MC1R: variants seen among roughly 807,000 people sequenced by gnomAD.
MC1R encodes the protein melanocyte-stimulating hormone receptor.
For missense variants in MC1R, 542 were observed against 430.0 expected, an observed-to-expected ratio of 1.26 and a Z score of -2.30; for synonymous variants, 263 against 203.8, an observed-to-expected ratio of 1.29 and a Z score of -2.47.
rs2045683863 is a variant in MC1R, at chr16:89,918,928, G to A, written c.-331G>A. ...AGGAGACAGAGGCCAGGACGGTCCA[G>A]AGGTGTCGAAATGTCCTGGGGACCT... is the stretch of plus-strand genomic sequence containing the variant. On this transcript the variant is annotated 5_prime_UTR_variant, in exon 1 of 1. Coordinates refer to ENST00000555147, the MANE Select transcript of MC1R (RefSeq NM_002386.4). 4.9e-6 allele frequency: 2 copies of A among 407,268 alleles called. No homozygotes were observed. The highest frequency in any genetic ancestry group is 9.0e-6 in the Non-Finnish European group (2 of 222,674). The allele number at this position is 407,268 out of a possible 1,614,324, so 25.2% of individuals were successfully genotyped here.
Position 89,919,327 on chromosome 16 carries a change from G to A in MC1R, c.69G>A (p.Gln23=). The part of the protein sequence containing the change: ...SLNSTPTAIP[Q]LGLAANQTGA... ...ACTCCACCCCCACAGCCATCCCCCA[G>A]CTGGGGCTGGCTGCCAACCAGACAG... The change falls in exon 1 of 1, where the codon CAG becomes CAA. Residue 23 remains glutamine (Q), a synonymous_variant. Coordinates refer to ENST00000555147, the MANE Select transcript of MC1R (RefSeq NM_002386.4). 6.2e-7 allele frequency: 1 copy of A among 1,612,158 alleles called. No individual in the cohort carries two copies. Among genetic ancestry groups the A allele is most frequent in the East Asian group, 2.2e-5 (1 of 44,860 alleles).
rs2045684575 is a variant in MC1R at position 89,918,982 on chromosome 16, G to A, written c.-277G>A. 2.0e-6 allele frequency: 1 copy of A among 502,328 alleles called. No individual in the cohort carries two copies. The highest frequency in any genetic ancestry group is 3.6e-6 in the Non-Finnish European group (1 of 279,840). The allele number at this position is 502,328 out of a possible 1,614,324, so 31.1% of individuals were successfully genotyped here. A position where few individuals can be genotyped will look rare whatever the true frequency, so the allele number is the denominator to read the frequency against. Reference sequence around the variant, plus strand: ...CAGCAGCCACCAGGGAAGAGGCAGGGAGGGAGCTGAGGACCAGGCTTGGTT... The same window carrying A: ...CAGCAGCCACCAGGGAAGAGGCAGGAAGGGAGCTGAGGACCAGGCTTGGTT... On this transcript the variant is annotated 5_prime_UTR_variant, in exon 1 of 1. Coordinates refer to ENST00000555147, the MANE Select transcript of MC1R (RefSeq NM_002386.4).
chr16:89,919,737 G>A lies in MC1R; in HGVS notation c.479G>A (p.Arg160Gln), dbSNP rs780813746. The stretch of plus-strand genomic sequence containing the variant: ...TACCACAGCATCGTGACCCTGCCGC[G>A]GGCGCGGCGAGCCGTTGCGGCCATC... ...LRYHSIVTLPRARRAVAAIWV... is the reference protein window; with the variant it reads ...LRYHSIVTLPQARRAVAAIWV... The change falls in exon 1 of 1, where the codon CGG (arginine) becomes CAG (glutamine). Residue 160 changes from arginine to glutamine, a missense_variant. Physicochemically the swap from Arg to Gln is conservative, Grantham distance 43 (BLOSUM62 1). Transcript: ENST00000555147. 6.9e-5 allele frequency: 111 copies of A among 1,606,480 alleles called. No individual in the cohort carries two copies. The highest frequency in any genetic ancestry group is 8.0e-5 in the Non-Finnish European group (94 of 1,179,800).
chr16:89,919,340 G>A lies in MC1R; in HGVS notation c.82G>A (p.Ala28Thr), dbSNP rs753159082. ...PTAIPQLGLAANQTGARCLEV... is the reference protein window; with the variant it reads ...PTAIPQLGLATNQTGARCLEV... ...AGCCATCCCCCAGCTGGGGCTGGCT[G>A]CCAACCAGACAGGAGCCCGGTGCCT... The change falls in exon 1 of 1, where the codon GCC becomes ACC. Residue 28 changes from alanine (A) to threonine (T), a missense_variant. Ala to Thr is a moderately conservative substitution (Grantham distance 58, BLOSUM62 0). Transcript: ENST00000555147. 2.5e-6 allele frequency: 4 copies of A among 1,612,780 alleles called. No homozygotes were observed. Among genetic ancestry groups the A allele is most frequent in the African/African-American group, 1.3e-5 (1 of 75,040 alleles).
chr16:89,920,539 G>A lies in MC1R; in HGVS notation c.*327G>A, dbSNP rs1439652079. ...TTTCCGCCCACTCCTGGGACACTCC[G>A]TCTGCTCCAATGACTGAGCAGCATC... On this transcript the variant is annotated 3_prime_UTR_variant, in exon 1 of 1. Transcript: ENST00000555147. 4.3e-5 allele frequency: 27 copies of A among 629,204 alleles called. No homozygotes were observed. Among genetic ancestry groups the A allele is most frequent in the Admixed American group, 5.6e-5 (2 of 35,670 alleles). The allele number at this position is 629,204 out of a possible 1,614,324, so 39.0% of individuals were successfully genotyped here.
In MC1R at chr16:89,919,229, A is replaced by T. The variant is rs1371372236; in HGVS notation, c.-30A>T. ...AACTGTGGGGACCTGGAGGCCTCCA[A>T]CGACTCCTTCCTGCTTCCTGGACAG... On this transcript the variant is annotated 5_prime_UTR_variant, in exon 1 of 1. Transcript: ENST00000555147. 1 of 1,469,808 alleles carries T rather than the reference A, an allele frequency of 6.8e-7. No homozygotes were observed. Among genetic ancestry groups the T allele is most frequent in the Non-Finnish European group, 9.2e-7 (1 of 1,091,656 alleles). The allele number at this position is 1,469,808 out of a possible 1,614,324, so 91.0% of individuals were successfully genotyped here. A position where few individuals can be genotyped will look rare whatever the true frequency, so the allele number is the denominator to read the frequency against.
Position 89,919,831 on chromosome 16 carries a change from C to T in MC1R, c.573C>T (p.Cys191=). ...ACGACCACGTGGCCGTCCTGCTGTG[C>T]CTCGTGGTCTTCTTCCTGGCTATGC... ...AYYDHVAVLL[C]LVVFFLAMLV... Residue 191 remains cysteine, a synonymous_variant, in exon 1 of 1, where the codon TGC becomes TGT. Transcript: ENST00000555147. 1.2e-6 allele frequency: 2 copies of T among 1,606,848 alleles called. No homozygotes were observed.
rs1597414470 is a variant in MC1R at position 89,919,046 on chromosome 16, T to G, written c.-213T>G. 1 of 564,866 alleles carries G rather than the reference T, an allele frequency of 1.8e-6. No individual in the cohort carries two copies. The highest frequency in any genetic ancestry group is 3.1e-6 in the Non-Finnish European group (1 of 317,736). The allele number at this position is 564,866 out of a possible 1,614,324, so 35.0% of individuals were successfully genotyped here. ...AGCCCAGGCGGTAGATGCCAGGAGG[T>G]GTCTGGACTGGCTGGGCCATGCCTG... is the stretch of plus-strand genomic sequence containing the variant. On this transcript the variant is annotated 5_prime_UTR_variant, in exon 1 of 1. Coordinates refer to ENST00000555147, the MANE Select transcript of MC1R (RefSeq NM_002386.4).
Position 89,920,226 on chromosome 16 carries a change from G to A in MC1R, c.*14G>A, listed in dbSNP as rs34020587. ...TGCTCCTGGTGAGCGCGGTGCACGC[G>A]GCTTTAAGTGTGCTGGGCAGAGGGA... On this transcript the variant is annotated 3_prime_UTR_variant, in exon 1 of 1. Transcript: ENST00000555147. 1.4e-5 allele frequency: 22 copies of A among 1,597,906 alleles called. No homozygotes were observed. In the East Asian group the frequency reaches 3.4e-4, roughly 24 times the overall value.
rs1165997971 is a variant in MC1R at position 89,919,697 on chromosome 16, T to C, written c.439T>C (p.Phe147Leu). The change falls in exon 1 of 1, where the codon TTC becomes CTC. Residue 147 changes from phenylalanine (F) to leucine (L), a missense_variant. Coordinates refer to ENST00000555147, the MANE Select transcript of MC1R (RefSeq NM_002386.4). ...CGCCGTGGACCGCTACATCTCCATC[T>C]TCTACGCACTGCGCTACCACAGCAT... Reference protein sequence around the residue: ...AIAVDRYISIFYALRYHSIVT... With the variant: ...AIAVDRYISILYALRYHSIVT... The C allele has an allele frequency of 1.2e-6, 2 of 1,606,180 alleles. No homozygotes were observed. The highest frequency in any genetic ancestry group is 1.7e-6 in the Non-Finnish European group (2 of 1,179,658).
At position 89,919,331 on chromosome 16, in the gene MC1R, G is replaced by C; in HGVS notation, c.73G>C (p.Gly25Arg). ...CACCCCCACAGCCATCCCCCAGCTG[G>C]GGCTGGCTGCCAACCAGACAGGAGC... ...NSTPTAIPQL[G>R]LAANQTGARC... Residue 25 changes from glycine (G) to arginine (R), a missense_variant, in exon 1 of 1, where the codon GGG becomes CGG. Gly to Arg is a moderately radical substitution (Grantham distance 125, BLOSUM62 -2). Transcript: ENST00000555147. 2.5e-6 allele frequency: 4 copies of C among 1,612,530 alleles called. No homozygotes were observed. The highest frequency in any genetic ancestry group is 3.4e-6 in the Non-Finnish European group (4 of 1,179,588).
Position 89,920,149 on chromosome 16 carries a change from C to G in MC1R, c.891C>G (p.Ile297Met). 1.2e-6 allele frequency: 2 copies of G among 1,614,062 alleles called. No individual in the cohort carries two copies. Among genetic ancestry groups the G allele is most frequent in the Admixed American group, 1.7e-5 (1 of 60,032 alleles). ...GCAATGCCATCATCGACCCCCTCAT[C>G]TACGCCTTCCACAGCCAGGAGCTCC... ...IICNAIIDPL[I>M]YAFHSQELRR... is the part of the protein sequence containing the mutation. The change falls in exon 1 of 1, where the codon ATC (isoleucine) becomes ATG (methionine). Residue 297 changes from isoleucine (I) to methionine (M), a missense_variant. Transcript: ENST00000555147.
rs777400906 is a variant in MC1R at position 89,919,334 on chromosome 16, C to G, written c.76C>G (p.Leu26Val). The G allele has an allele frequency of 8.1e-6, 13 of 1,612,546 alleles. No individual in the cohort carries two copies. The highest frequency in any genetic ancestry group is 9.3e-6 in the Non-Finnish European group (11 of 1,179,638). The change falls in exon 1 of 1, where the codon CTG becomes GTG. Residue 26 changes from leucine (L) to valine (V), a missense_variant. Physicochemically the swap from Leu to Val is conservative, Grantham distance 32. Transcript: ENST00000555147. ...STPTAIPQLG[L>V]AANQTGARCL... ...CCCCACAGCCATCCCCCAGCTGGGG[C>G]TGGCTGCCAACCAGACAGGAGCCCG...
chr16:89,919,805 T>C lies in MC1R; in HGVS notation c.547T>C (p.Tyr183His), dbSNP rs373044118. The change falls in exon 1 of 1, where the codon TAC (tyrosine) becomes CAC (histidine). Residue 183 changes from tyrosine (Y) to histidine (H), a missense_variant. Transcript: ENST00000555147. ...CTTCAGCACGCTCTTCATCGCCTAC[T>C]ACGACCACGTGGCCGTCCTGCTGTG... ...VVFSTLFIAY[Y>H]DHVAVLLCLV... is the part of the protein sequence containing the mutation. 6.2e-7 allele frequency: 1 copy of C among 1,607,662 alleles called. No individual in the cohort carries two copies. Among genetic ancestry groups the C allele is most frequent in the South Asian group, 1.1e-5 (1 of 91,088 alleles).
chr16:89,920,361 G>T lies in MC1R; in HGVS notation c.*149G>T. ...CTAAATGATCTCTGAAAGTGTTGAA[G>T]CGCGGACCCTTCTGGGTCCAGGGAG... On this transcript the variant is annotated 3_prime_UTR_variant, in exon 1 of 1. Transcript: ENST00000555147. 2 of 712,398 alleles carry T rather than the reference G, an allele frequency of 2.8e-6. No homozygotes were observed. The highest frequency in any genetic ancestry group is 3.8e-5 in the South Asian group (2 of 53,166). The allele number at this position is 712,398 out of a possible 1,614,324, so 44.1% of individuals were successfully genotyped here.
Position 89,919,685 on chromosome 16 carries a change from T to G in MC1R, c.427T>G (p.Tyr143Asp). ...CCTGGGCGCCATCGCCGTGGACCGCTACATCTCCATCTTCTACGCACTGCG... is the reference window on the plus strand; with the variant it reads ...CCTGGGCGCCATCGCCGTGGACCGCGACATCTCCATCTTCTACGCACTGCG... ...CFLGAIAVDR[Y>D]ISIFYALRYH... The change falls in exon 1 of 1, where the codon TAC (tyrosine) becomes GAC (aspartate). Residue 143 changes from tyrosine (Y) to aspartate (D), a missense_variant. Transcript: ENST00000555147. The G allele has an allele frequency of 6.2e-7, 1 of 1,606,280 alleles. No homozygotes were observed. The highest frequency in any genetic ancestry group is 8.5e-7 in the Non-Finnish European group (1 of 1,179,544).
In MC1R at chr16:89,919,348, G is replaced by C. The variant is rs1185222262; in HGVS notation, c.90G>C (p.Gln30His). ...CCCAGCTGGGGCTGGCTGCCAACCAGACAGGAGCCCGGTGCCTGGAGGTGT... is the reference window on the plus strand; with the variant it reads ...CCCAGCTGGGGCTGGCTGCCAACCACACAGGAGCCCGGTGCCTGGAGGTGT... ...AIPQLGLAAN[Q>H]TGARCLEVSI... The change falls in exon 1 of 1, where the codon CAG (glutamine) becomes CAC (histidine). Residue 30 changes from glutamine (Q) to histidine (H), a missense_variant. Gln to His is a conservative substitution (Grantham distance 24). Coordinates refer to ENST00000555147, the MANE Select transcript of MC1R (RefSeq NM_002386.4). 3 of 1,612,898 alleles carry C rather than the reference G, an allele frequency of 1.9e-6. No individual in the cohort carries two copies. Among genetic ancestry groups the C allele is most frequent in the South Asian group, 2.2e-5 (2 of 91,068 alleles).
In MC1R at chr16:89,919,443, C is replaced by T. The variant is rs894456716; in HGVS notation, c.185C>T (p.Thr62Ile). 6.2e-7 allele frequency: 1 copy of T among 1,613,250 alleles called. No individual in the cohort carries two copies. The highest frequency in any genetic ancestry group is 8.5e-7 in the Non-Finnish European group (1 of 1,179,884). The change falls in exon 1 of 1, where the codon ACC (threonine) becomes ATC (isoleucine). Residue 62 changes from threonine (T) to isoleucine (I), a missense_variant. Thr to Ile is a moderately conservative substitution (Grantham distance 89). Transcript: ENST00000555147. ...GTGGAGAACGCGCTGGTGGTGGCCA[C>T]CATCGCCAAGAACCGGAACCTGCAC... The part of the protein sequence containing the change: ...SLVENALVVA[T>I]IAKNRNLHSP...
chr16:89,920,792 T>C lies in MC1R; in HGVS notation c.*580T>C. On this transcript the variant is annotated 3_prime_UTR_variant, in exon 1 of 1. Transcript: ENST00000555147. ...AGGTTTGCAGGAGCCCCCCTAGTGG[T>C]ATGGGGCTGAGCCCTCCTGAGGGCC... The C allele has an allele frequency of 1.5e-6, 1 of 678,026 alleles. No individual in the cohort carries two copies. The highest frequency in any genetic ancestry group is 2.7e-6 in the Non-Finnish European group (1 of 366,402). The allele number at this position is 678,026 out of a possible 1,614,324, so 42.0% of individuals were successfully genotyped here. A position where few individuals can be genotyped will look rare whatever the true frequency, so the allele number is the denominator to read the frequency against.
Sources: gnomAD v4.1 joint callset for allele counts on GRCh38, gnomAD v4.1.1 for gene constraint, MANE v1.5 for transcripts, NCBI Gene and HGNC (gene_info 2026-07-23, HGNC 2026-07-21) for gene names.